The following CCNY variants were observed in gnomAD, a reference collection of about 807,000 sequenced individuals.
The protein encoded by CCNY is cyclin Y, also known as cyclin-Y.
CCNY carries 19 observed loss-of-function variants against 42.8 expected under a neutral mutation model. That is an observed-to-expected ratio of 0.44 (90% CI 0.31 to 0.65). The LOEUF is 0.65. CCNY is among the 30% of genes least tolerant of loss of function. CCNY has a pLI of 0.07. For synonymous variants in CCNY, 165 were observed against 162.7 expected, an observed-to-expected ratio of 1.01 and a Z score of -0.11; for missense variants, 370 against 437.3, an observed-to-expected ratio of 0.85 and a Z score of 1.37.
chr10:35,276,619 C>T, intron 3 of CCNY, among the ~76,000 whole-genome samples: 1 of 152,190 alleles, frequency 6.6e-6, no homozygotes, highest in South Asian at 2.1e-4. Context: ...CTCCTGGCCT[C>T]AAACAATCCT....
At chr10:35,552,275 C>T (rs552457504) in intron 7 of CCNY, among the ~76,000 whole-genome samples, 6 of 152,096 alleles carry the variant, frequency 3.9e-5, no homozygotes, top group Admixed American at 6.5e-5. Context: ...CAGAAAAGGA[C>T]GAATATTTTA....
At chr10:35,441,596 G>A (rs1838670735) in intron 1 of CCNY, among the ~76,000 whole-genome samples, 1 of 152,072 alleles carries the variant, frequency 6.6e-6, no homozygotes. Context: ...AATAAAAAAG[G>A]AAATAGCCAG....
chr10:35,408,038 G>T (rs908831457), intron 1 of CCNY, among the ~76,000 whole-genome samples: 1 of 152,184 alleles, frequency 6.6e-6, no homozygotes, highest in Non-Finnish European at 1.5e-5. Flanking sequence ...AAAATGAAAG[G>T]AGTTGAAATT....
chr10:35,254,193 T>C (rs1159133830), intron 3 of CCNY, among the ~76,000 whole-genome samples: 1 of 152,148 alleles, frequency 6.6e-6, no homozygotes, highest in Non-Finnish European at 1.5e-5. Context: ...GACTGTTTTT[T>C]ACCGAAAAGT....
At chr10:35,513,292 A>G (rs1478572338) in intron 3 of CCNY, among the ~76,000 whole-genome samples, 1 of 152,072 alleles carries the variant, frequency 6.6e-6, no homozygotes, top group Non-Finnish European at 1.5e-5. Flanking sequence ...CTCACTCATC[A>G]GGCTCCCCTT....
chr10:35,527,767 G>T (rs1294737925), intron 5 of CCNY, among the ~76,000 whole-genome samples: 1 of 152,236 alleles, frequency 6.6e-6, no homozygotes, highest in Non-Finnish European at 1.5e-5. Flanking sequence ...ATTGCCACCT[G>T]CATGTCTCTA....
intron 2 of CCNY, among the ~76,000 whole-genome samples, chr10:35,491,351 C>G (rs1471446407): frequency 6.6e-6 from 1 of 152,200 alleles, no homozygotes; most frequent in Non-Finnish European, 1.5e-5. Context: ...CACAGCGAGC[C>G]CTCAGCAATG....
chr10:35,501,535 T>G lies in CCNY; in HGVS notation c.264T>G (p.His88Gln). The G allele has an allele frequency of 6.2e-7, 1 of 1,612,668 alleles. No individual in the cohort carries two copies. Among genetic ancestry groups the G allele is most frequent in the Non-Finnish European group, 8.5e-7 (1 of 1,178,574 alleles). Residue 88 changes from histidine (H) to glutamine (Q), a missense_variant and splice_region_variant, in exon 3 of 10, where the codon CAT (histidine) becomes CAG (glutamine). By Grantham distance (24) the His-to-Gln change is conservative (BLOSUM62 0). Transcript: ENST00000374704. ...AACGCAAGAGTCTCTTCATTAACCA[T>G]GTAAGTGAAGCTGTCTCCCTGTGTT... Reference protein sequence around the residue: ...REKRKSLFINHHPPGQIARKY... With the variant: ...REKRKSLFINQHPPGQIARKY...
chr10:35,460,871 C>T (rs1276697123), intron 1 of CCNY, among the ~76,000 whole-genome samples: 1 of 152,158 alleles, frequency 6.6e-6, no homozygotes. Flanking sequence ...ATGCTCCATG[C>T]CAAGCACTGT....
intron 3 of CCNY, among the ~76,000 whole-genome samples, chr10:35,273,658 G>A (rs765156330): frequency 3.3e-5 from 5 of 152,026 alleles, no homozygotes; most frequent in Admixed American, 6.6e-5. Context: ...CATGATAAGC[G>A]TCTCTGCCCA....
At chr10:35,517,526 T>C (rs1840454461) in intron 4 of CCNY, among the ~76,000 whole-genome samples, 1 of 152,250 alleles carries the variant, frequency 6.6e-6, no homozygotes, top group Admixed American at 6.5e-5. Context: ...TTTTCAGGCC[T>C]AGAAGCCCTG....
intron 1 of CCNY, among the ~76,000 whole-genome samples, chr10:35,435,813 A>G (rs1206139777): frequency 6.6e-6 from 1 of 152,178 alleles, no homozygotes; most frequent in Non-Finnish European, 1.5e-5. Context: ...TGGGAACCAA[A>G]TGCTAGGTAT....
intron 1 of CCNY, among the ~76,000 whole-genome samples, chr10:35,402,891 G>A (rs1316417665): frequency 2.6e-5 from 4 of 152,126 alleles, no homozygotes; most frequent in African/African-American, 4.8e-5. Context: ...AGGCCCGTCC[G>A]TTAATGGGAC....
At chr10:35,270,276 C>T (rs1229002492) in intron 3 of CCNY, among the ~76,000 whole-genome samples, 1 of 152,128 alleles carries the variant, frequency 6.6e-6, no homozygotes, top group Non-Finnish European at 1.5e-5. Context: ...TCTCATGACC[C>T]AGTCCCCTCC....
chr10:35,299,874 T>C (rs1450880502), intron 3 of CCNY, among the ~76,000 whole-genome samples: 1 of 152,228 alleles, frequency 6.6e-6, no homozygotes, highest in Non-Finnish European at 1.5e-5. Context: ...TATTTTTCAG[T>C]ATTTCATTTT....
chr10:35,346,819 GTTAC>G (rs1836314776), intron 1 of CCNY, among the ~76,000 whole-genome samples: 1 of 152,174 alleles, frequency 6.6e-6, no homozygotes, highest in South Asian at 2.1e-4. Context: ...TAGAGACAGG[GTTAC>G]GCCTTGTTGC....
intron 3 of CCNY, among the ~76,000 whole-genome samples, chr10:35,306,822 G>T (rs1251977165): frequency 6.6e-6 from 1 of 152,058 alleles, no homozygotes; most frequent in Non-Finnish European, 1.5e-5. Context: ...TTTTTAGGAC[G>T]CTCTTTAAAG....
chr10:35,264,051 G>A (rs535419808), intron 3 of CCNY, among the ~76,000 whole-genome samples: 1 of 152,100 alleles, frequency 6.6e-6, no homozygotes, highest in Non-Finnish European at 1.5e-5. Flanking sequence ...TGGTGTCTAT[G>A]TACCACATTT....
Position 35,406,181 on chromosome 10 carries a change from C to CTT in CCNY, c.154+68984_154+68985dup, listed in dbSNP as rs57343974. ...CAGAGTCTAATTTTTGGAGCTTTTT[C>CTT]TTTTTTTTTTTCTTTTTTATTTTAT... On this transcript the variant is annotated intron_variant, in intron 1 of 9. Transcript: ENST00000374704. Among the ~76,000 whole-genome samples, 179 of 133,378 alleles carry CTT rather than the reference C, an allele frequency of 1.3e-3. 2 individuals carry two copies. The highest frequency in any genetic ancestry group is 6.3e-3 in the South Asian group (26 of 4,098). 87.5% of individuals were successfully genotyped at this position (133,378 alleles called of 152,430 possible).
Sources: allele counts gnomAD v4.1 joint callset (sites outside exome capture counted in the v4.1 genomes callset), GRCh38; gene constraint gnomAD v4.1.1; transcripts MANE v1.5; gene names NCBI Gene and HGNC (gene_info 2026-07-23, HGNC 2026-07-21).